The following DPP6 variants were observed in gnomAD, a reference collection of about 807,000 sequenced individuals.
The protein encoded by DPP6 is dipeptidyl peptidase like 6.
A neutral mutation model predicts 122.6 loss-of-function variants in DPP6; 69 were observed. The ratio of observed to expected loss-of-function variants is 0.56; its 90% CI spans 0.46 to 0.69. The LOEUF (loss-of-function observed/expected upper bound fraction) is 0.69. DPP6 is among the 30% of genes least tolerant of loss of function. The probability of loss-of-function intolerance (pLI) is 0.00; values close to 1 mark genes in which losing one functional copy is unlikely to be tolerated. For synonymous variants in DPP6, 418 were observed against 433.1 expected (o/e 0.97, Z 0.43); for missense variants, 928 against 1,116.9 (o/e 0.83, Z 2.41).
the DPP6 span, among the ~76,000 whole-genome samples, chr7:153,813,596 G>A: frequency 7.9e-5 from 12 of 152,054 alleles, no homozygotes; most frequent in East Asian, 5.8e-4. Context: ...CTGAGGAATC[G>A]CCACACTGAC....
intron 1 of DPP6, among the ~76,000 whole-genome samples, chr7:154,007,483 G>A (rs1269451897): frequency 6.6e-6 from 1 of 152,070 alleles, no homozygotes; most frequent in East Asian, 1.9e-4. Context: ...CAGATGAGCT[G>A]CCAGGCAAAA....
At chr7:154,453,797 G>A (rs1820595993) in intron 2 of DPP6, among the ~76,000 whole-genome samples, 1 of 151,922 alleles carries the variant, frequency 6.6e-6, no homozygotes, top group African/African-American at 2.4e-5. Context: ...TAATCATCTG[G>A]TATGTCTACT....
intron 5 of DPP6, among the ~76,000 whole-genome samples, chr7:154,600,647 C>A (rs191540771): frequency 8.3e-6 from 1 of 121,058 alleles, no homozygotes; most frequent in Non-Finnish European, 1.9e-5. Context: ...CAGGGTCACT[C>A]GGCTGGGAAT....
chr7:154,093,395 C>G (rs1300017911), intron 1 of DPP6, among the ~76,000 whole-genome samples: 2 of 146,908 alleles, frequency 1.4e-5, no homozygotes, highest in East Asian at 4.0e-4. Flanking sequence ...TGCCACACAA[C>G]CTACATACCA....
At chr7:153,968,871 T>C (rs571970803) in intron 1 of DPP6, 1 of 152,320 alleles carries the variant, frequency 6.6e-6, no homozygotes, top group South Asian at 2.1e-4. Context: ...TCATCTTTCA[T>C]GGCTGGCTTC....
intron 1 of DPP6, among the ~76,000 whole-genome samples, chr7:154,103,233 G>C (rs1585382916): frequency 2.6e-5 from 4 of 152,250 alleles, no homozygotes; most frequent in African/African-American, 9.6e-5. Flanking sequence ...TCTTCCTTCT[G>C]TCCTGTTCCT....
At chr7:154,797,890 C>T (rs1798136669) in intron 12 of DPP6, among the ~76,000 whole-genome samples, 1 of 152,220 alleles carries the variant, frequency 6.6e-6, no homozygotes, top group African/African-American at 2.4e-5. Flanking sequence ...GTTCACGTTA[C>T]ATCCATTGTG....
At chr7:153,822,329 A>C in the DPP6 span, among the ~76,000 whole-genome samples, 1 of 151,898 alleles carries the variant, frequency 6.6e-6, no homozygotes, top group African/African-American at 2.4e-5. Context: ...AGCTGGGACT[A>C]CAGGCGCACG....
At chr7:154,693,835 G>A (rs1270584406) in intron 7 of DPP6, among the ~76,000 whole-genome samples, 2 of 152,190 alleles carry the variant, frequency 1.3e-5, no homozygotes, top group Non-Finnish European at 2.9e-5. Flanking sequence ...TAGAAGGCCT[G>A]GAAGTTTCTG....
chr7:154,818,760 G>A (rs1799576487), intron 16 of DPP6, among the ~76,000 whole-genome samples: 1 of 152,168 alleles, frequency 6.6e-6, no homozygotes, highest in African/African-American at 2.4e-5. Flanking sequence ...AGCATTGCTG[G>A]TGTGTTTGTA....
intron 1 of DPP6, among the ~76,000 whole-genome samples, chr7:153,946,450 C>T (rs1000478557): frequency 6.6e-6 from 1 of 151,980 alleles, no homozygotes; most frequent in South Asian, 2.1e-4. Context: ...TTTCAGCATG[C>T]GAATGCATTA....
rs117749376 is a variant in DPP6, at chr7:154,430,597, A to G, written c.244-15617A>G. Among the ~76,000 whole-genome samples the G allele has an allele frequency of 8.7e-4, 132 of 152,240 alleles. No individual in the cohort carries two copies. The East Asian group carries it at 0.023, about 27-fold the overall frequency. On this transcript the variant is annotated intron_variant, in intron 1 of 25. Coordinates refer to ENST00000377770, the MANE Select transcript of DPP6 (RefSeq NM_130797.4). ...CATTGGGGAGTTAGGATTTCATTGT[A>G]TGAATCTGGGGAGACACAAACATTC...
rs1472326149 is a variant in DPP6 at position 154,801,368 on chromosome 7, T to C, written c.1313T>C (p.Val438Ala). Residue 438 changes from valine (V) to alanine (A), a missense_variant, in exon 13 of 26, where the codon GTG (valine) becomes GCG (alanine). Val to Ala is a moderately conservative substitution (Grantham distance 64). Coordinates refer to ENST00000377770, the MANE Select transcript of DPP6 (RefSeq NM_130797.4). ...CTTTGTCCACAGAATGAAGAACCTG[T>C]GTTCTCCAAGGATGGCCGAAAGTTT... ...AWLHRQNEEP[V>A]FSKDGRKFFF... The C allele has an allele frequency of 6.3e-7, 1 of 1,588,380 alleles. No individual in the cohort carries two copies. Among genetic ancestry groups the C allele is most frequent in the Non-Finnish European group, 8.6e-7 (1 of 1,165,994 alleles).
chr7:154,778,948 C>T (rs535681123), intron 10 of DPP6, among the ~76,000 whole-genome samples: 2 of 140,636 alleles, frequency 1.4e-5, no homozygotes, highest in Admixed American at 1.4e-4. Flanking sequence ...ACTTCCACCA[C>T]CAGCTCTACC....
chr7:154,029,302 G>A (rs1478776192), intron 1 of DPP6, among the ~76,000 whole-genome samples: 1 of 150,566 alleles, frequency 6.6e-6, no homozygotes, highest in Admixed American at 6.6e-5. Context: ...GGATCACGAG[G>A]TCAGGAGATC....
At chr7:154,031,715 T>G (rs1468467031) in intron 1 of DPP6, among the ~76,000 whole-genome samples, 3 of 151,912 alleles carry the variant, frequency 2.0e-5, no homozygotes. Flanking sequence ...AGCTTTAGAG[T>G]GCAGTTTAAC....
At chr7:154,416,835 A>C (rs1265008656) in intron 1 of DPP6, among the ~76,000 whole-genome samples, 1 of 45,444 alleles carries the variant, frequency 2.2e-5, no homozygotes, top group Non-Finnish European at 6.8e-5. Flanking sequence ...ACAACTCAGG[A>C]AACGTTTCTA....
chr7:153,897,074 C>T (rs539209563), intron 1 of DPP6, among the ~76,000 whole-genome samples: 2 of 152,164 alleles, frequency 1.3e-5, no homozygotes, highest in East Asian at 3.9e-4. Context: ...ACACAGCTTC[C>T]AAAATAATTT....
Position 153,949,556 on chromosome 7 carries a change from G to C in DPP6, c.51+61822G>C, listed in dbSNP as rs541516238. ...GAAGGAAAAGGTGGGTAGGGTAGAC[G>C]TTCAAAGGGAATCATGAACTTGTTT... On this transcript the variant is annotated intron_variant, in intron 1 of 25. Transcript: ENST00000404039. 7.9e-5 allele frequency among the ~76,000 whole-genome samples: 12 copies of C among 152,276 alleles called. No individual in the cohort carries two copies. In the South Asian group the frequency reaches 2.1e-3, roughly 26 times the overall value.
Sources: gnomAD v4.1 joint callset for allele counts (sites outside exome capture counted in the v4.1 genomes callset) on GRCh38, gnomAD v4.1.1 for gene constraint, MANE v1.5 for transcripts, NCBI Gene and HGNC (gene_info 2026-07-23, HGNC 2026-07-21) for gene names.